Variants in RIN2 observed in about 807,000 individuals in gnomAD.
RIN2 encodes the protein Ras and Rab interactor 2.
Under a neutral mutation model 78.0 loss-of-function variants are expected in RIN2, and 36 were observed. The observed-to-expected ratio is 0.46, with a 90% CI of 0.35 to 0.61. RIN2 has a LOEUF of 0.61. Ranked by LOEUF, RIN2 falls within the 20% of genes least tolerant of loss-of-function variation. The pLI, the probability that RIN2 is intolerant of heterozygous loss-of-function variation, is 0.00. For synonymous variants in RIN2, 466 were observed against 466.8 expected (o/e 1.00, Z 0.02); for missense variants, 1,087 against 1,159.7 (o/e 0.94, Z 0.91).
intron 1 of RIN2, among the ~76,000 whole-genome samples, chr20:19,787,422 T>TA (rs541323014): frequency 0.042 from 3,604 of 85,614 alleles, 111 homozygotes; most frequent in African/African-American, 0.069. Flanking sequence ...GACTCCATCT[T>TA]AAAAAAAAAA....
chr20:19,971,262 A>G (rs1054939479), intron 8 of RIN2, among the ~76,000 whole-genome samples: 2 of 151,838 alleles, frequency 1.3e-5, no homozygotes, highest in Admixed American at 6.6e-5. Context: ...AGACATCTAG[A>G]GTAACGTCTG....
chr20:19,977,122 G>A (rs1428719014), intron 9 of RIN2, among the ~76,000 whole-genome samples: 1 of 152,120 alleles, frequency 6.6e-6, no homozygotes, highest in Non-Finnish European at 1.5e-5. Flanking sequence ...TCTCAAGGGA[G>A]ACCATATCTG....
chr20:19,851,990 G>T (rs2123193182), intron 2 of RIN2, among the ~76,000 whole-genome samples: 1 of 152,242 alleles, frequency 6.6e-6, no homozygotes, highest in South Asian at 2.1e-4. Flanking sequence ...GTCGTGGATT[G>T]GTTCAGGGCT....
At chr20:19,911,995 G>A (rs1427861945) in intron 3 of RIN2, among the ~76,000 whole-genome samples, 1 of 152,144 alleles carries the variant, frequency 6.6e-6, no homozygotes, top group Non-Finnish European at 1.5e-5. Context: ...AGGATCTACA[G>A]GGCTCCCTTT....
At chr20:19,927,476 G>A (rs145820083) in intron 3 of RIN2, among the ~76,000 whole-genome samples, 12 of 151,266 alleles carry the variant, frequency 7.9e-5, no homozygotes, top group African/African-American at 2.2e-4. Flanking sequence ...GTGCAGTGGC[G>A]TGATCTTGGC....
At chr20:19,901,716 A>C (rs1600738417) in intron 3 of RIN2, among the ~76,000 whole-genome samples, 1 of 152,162 alleles carries the variant, frequency 6.6e-6, no homozygotes, top group South Asian at 2.1e-4. Flanking sequence ...TGTAATATTT[A>C]TGTTTAATCT....
chr20:19,812,641 A>T (rs2122818979), intron 2 of RIN2, among the ~76,000 whole-genome samples: 1 of 152,210 alleles, frequency 6.6e-6, no homozygotes, highest in East Asian at 1.9e-4. Context: ...ATAAAAAGTT[A>T]AAAAAGCAAT....
intron 7 of RIN2, among the ~76,000 whole-genome samples, chr20:19,969,963 G>T (rs2146297715): frequency 6.6e-6 from 1 of 152,352 alleles, no homozygotes; most frequent in East Asian, 1.9e-4. Flanking sequence ...GTCTGCCTTT[G>T]CCATTTCCAA....
intron 2 of RIN2, among the ~76,000 whole-genome samples, chr20:19,811,111 T>C (rs890480785): frequency 4.0e-5 from 6 of 151,868 alleles, no homozygotes; most frequent in African/African-American, 1.2e-4. Flanking sequence ...TAACTGTCGC[T>C]TCTTGGTGGT....
intron 4 of RIN2, among the ~76,000 whole-genome samples, chr20:19,938,059 G>T (rs765438207): frequency 6.6e-6 from 1 of 152,144 alleles, no homozygotes; most frequent in Non-Finnish European, 1.5e-5. Flanking sequence ...CATTTGCTTG[G>T]CTTGGCTTCT....
intron 1 of RIN2, among the ~76,000 whole-genome samples, chr20:19,762,999 G>A (rs899028191): frequency 2.0e-5 from 3 of 151,932 alleles, no homozygotes; most frequent in South Asian, 2.1e-4. Context: ...TCCTGACCTC[G>A]GGTAATCCAC....
chr20:19,964,886 A>G, intron 6 of RIN2, 66 bp from the exon 7 acceptor site: 1 of 1,324,974 alleles, frequency 7.5e-7, no homozygotes, highest in Non-Finnish European at 1.1e-6. Context: ...ACATGGTGTT[A>G]GGGGCTCTTC....
intron 2 of RIN2, among the ~76,000 whole-genome samples, chr20:19,846,886 T>A (rs918270458): frequency 1.3e-5 from 2 of 152,154 alleles, no homozygotes; most frequent in African/African-American, 4.8e-5. Flanking sequence ...CCTTCTTCTA[T>A]GGGCAGGGGC....
intron 1 of RIN2, among the ~76,000 whole-genome samples, chr20:19,766,611 G>A (rs965396767): frequency 1.3e-5 from 2 of 152,102 alleles, no homozygotes; most frequent in African/African-American, 2.4e-5. Context: ...TTCCAGGCAG[G>A]AGCGGCAAGT....
intron 4 of RIN2, among the ~76,000 whole-genome samples, chr20:19,936,153 A>G (rs1027462015): frequency 6.6e-6 from 1 of 152,062 alleles, no homozygotes; most frequent in African/African-American, 2.4e-5. Context: ...GTACTTTGAT[A>G]CCCGATGTCT....
Position 19,990,258 on chromosome 20 carries a change from T to C in RIN2, c.2015T>C (p.Met672Thr), listed in dbSNP as rs1281056066. Residue 672 changes from methionine (M) to threonine (T), a missense_variant, in exon 10 of 13, where the codon ATG becomes ACG. Met to Thr is a moderately conservative substitution (Grantham distance 81). Coordinates refer to ENST00000255006, the MANE Select transcript of RIN2 (RefSeq NM_018993.4). ...QKMYSPEKKV[M>T]LLLRVCKLIY... is the part of the protein sequence containing the mutation. The stretch of plus-strand genomic sequence containing the variant: ...ATGTATTCGCCGGAAAAGAAGGTCA[T>C]GCTGCTGCTGCGGGTCTGCAAGCTC... 1 of 1,612,940 alleles carries C rather than the reference T, an allele frequency of 6.2e-7. No homozygotes were observed. The highest frequency in any genetic ancestry group is 1.3e-5 in the African/African-American group (1 of 74,938).
At chr20:19,788,125 T>C (rs2034744809) in intron 1 of RIN2, among the ~76,000 whole-genome samples, 1 of 152,202 alleles carries the variant, frequency 6.6e-6, no homozygotes, top group Admixed American at 6.5e-5. Flanking sequence ...CCATGTTGAA[T>C]GGTGAAATAC....
rs1338774803 is a variant in RIN2 at position 19,990,241 on chromosome 20, G to C, written c.1998G>C (p.Ser666=). 1.2e-6 allele frequency: 2 copies of C among 1,613,410 alleles called. No individual in the cohort carries two copies. Among genetic ancestry groups the C allele is most frequent in the East Asian group, 2.2e-5 (1 of 44,876 alleles). Residue 666 remains serine, a synonymous_variant, in exon 10 of 13, where the codon TCG becomes TCC. Transcript: ENST00000255006. ...TCATGACCATGCAGAAGATGTATTC[G>C]CCGGAAAAGAAGGTCATGCTGCTGC... is the stretch of plus-strand genomic sequence containing the variant. ...VKFMTMQKMY[S]PEKKVMLLLR... is the part of the protein sequence containing the mutation.
chr20:19,878,589 T>G (rs1311899345), intron 2 of RIN2, among the ~76,000 whole-genome samples: 1 of 152,184 alleles, frequency 6.6e-6, no homozygotes, highest in African/African-American at 2.4e-5. Flanking sequence ...GTTTGTTCTC[T>G]TGATGTATAA....
Sources: allele counts gnomAD v4.1 joint callset (sites outside exome capture counted in the v4.1 genomes callset), GRCh38; gene constraint gnomAD v4.1.1; transcripts MANE v1.5; gene names NCBI Gene and HGNC (gene_info 2026-07-23, HGNC 2026-07-21).